TSPEAR: variants seen among roughly 807,000 people sequenced by gnomAD.
TSPEAR encodes the protein thrombospondin-type laminin G domain and EAR repeat-containing protein.
A neutral mutation model predicts 71.6 loss-of-function variants in TSPEAR; 69 were observed. The ratio of observed to expected loss-of-function variants is 0.96; its 90% CI spans 0.79 to 1.18. The LOEUF (loss-of-function observed/expected upper bound fraction) is 1.18. Ranked by LOEUF, TSPEAR falls within the 50% of genes most tolerant of loss-of-function variation. The probability of loss-of-function intolerance (pLI) is 0.00; values close to 1 mark genes in which losing one functional copy is unlikely to be tolerated. For missense variants in TSPEAR, 971 were observed against 894.9 expected, an observed-to-expected ratio of 1.09 and a Z score of -1.09; for synonymous variants, 402 against 387.2, an observed-to-expected ratio of 1.04 and a Z score of -0.45.
chr21:44,632,504 T>C (rs1303431482), intron 1 of TSPEAR, among the ~76,000 whole-genome samples: 1 of 152,168 alleles, frequency 6.6e-6, no homozygotes, highest in African/African-American at 2.4e-5. Flanking sequence ...CAGGATGAAA[T>C]CAAAGGGCAC....
intron 1 of TSPEAR, among the ~76,000 whole-genome samples, chr21:44,589,652 C>T (rs1315360294): frequency 6.6e-6 from 1 of 152,094 alleles, no homozygotes; most frequent in African/African-American, 2.4e-5. Flanking sequence ...AGAGGTGAGA[C>T]CCCCCCACCA....
Position 44,527,430 on chromosome 21 carries a change from C to T in TSPEAR, c.1011G>A (p.Gln337=), listed in dbSNP as rs1362405695. The part of the protein sequence containing the change: ...TLGIEVFRIP[Q]VGLFVATANR... Reference sequence around the variant, plus strand: ...TGGCTGTGGCCACAAAGAGCCCCACCTGAGGGATGCGGAACACCTCAATGC... The same window carrying T: ...TGGCTGTGGCCACAAAGAGCCCCACTTGAGGGATGCGGAACACCTCAATGC... Residue 337 remains glutamine (Q), a synonymous_variant, in exon 7 of 12, where the codon CAG becomes CAA. Coordinates refer to ENST00000323084, the MANE Select transcript of TSPEAR (RefSeq NM_144991.3). 1.2e-6 allele frequency: 2 copies of T among 1,614,122 alleles called. No homozygotes were observed. The highest frequency in any genetic ancestry group is 2.7e-5 in the African/African-American group (2 of 74,946).
intron 1 of TSPEAR, among the ~76,000 whole-genome samples, chr21:44,594,602 T>A (rs1480019967): frequency 2.0e-5 from 3 of 152,156 alleles, no homozygotes; most frequent in Admixed American, 6.5e-5. Context: ...GCATGTTTGT[T>A]CAGTTCCTCC....
In TSPEAR at chr21:44,502,904, G is replaced by GT. The variant is rs587636166; in HGVS notation, c.1856+1875dup. Reference sequence around the variant, plus strand: ...CCGGCCTCGGTGAGCCCTCGGGGAAGTAAGGCGCTGGGAGGAAGCTGGCCT... The same window carrying GT: ...CCGGCCTCGGTGAGCCCTCGGGGAAGTTAAGGCGCTGGGAGGAAGCTGGCCT... On this transcript the variant is annotated intron_variant, in intron 11 of 11. Coordinates refer to ENST00000323084, the MANE Select transcript of TSPEAR (RefSeq NM_144991.3). 4.6e-5 allele frequency among the ~76,000 whole-genome samples: 6 copies of GT among 130,178 alleles called. 1 individual carries two copies. The South Asian group carries it at 1.7e-3, about 37-fold the overall frequency. The allele number at this position is 130,178 out of a possible 152,430, so 85.4% of individuals were successfully genotyped here.
chr21:44,558,196 T>TG, intron 2 of TSPEAR: 1 of 1,548,702 alleles, frequency 6.5e-7, no homozygotes, highest in East Asian at 2.4e-5. Flanking sequence ...CAGGAGGGGA[T>TG]GGGCACACAG....
intron 1 of TSPEAR, among the ~76,000 whole-genome samples, chr21:44,577,503 G>A (rs782356383): frequency 2.6e-5 from 4 of 152,216 alleles, no homozygotes; most frequent in Non-Finnish European, 5.9e-5. Flanking sequence ...GAGAGACAGA[G>A]AGGAGGGAGT....
intron 8 of TSPEAR, among the ~76,000 whole-genome samples, chr21:44,524,506 G>T (rs1243815040): frequency 6.6e-6 from 1 of 151,950 alleles, no homozygotes; most frequent in African/African-American, 2.4e-5. Context: ...CAGGTAGTCA[G>T]TCAGGCAGTC....
chr21:44,584,061 A>G (rs1441646655), intron 1 of TSPEAR, among the ~76,000 whole-genome samples: 1 of 152,334 alleles, frequency 6.6e-6, no homozygotes, highest in Middle Eastern at 3.4e-3. Flanking sequence ...AATCGCTGAA[A>G]GGATATTTAA....
chr21:44,512,702 GCAGGGAGCAAAC>G (rs1350965440), intron 9 of TSPEAR, among the ~76,000 whole-genome samples: 1 of 152,178 alleles, frequency 6.6e-6, no homozygotes, highest in East Asian at 1.9e-4. Context: ...TCATGGGGTG[GCAGGGAGCAAAC>G]TTTGAGTTGC....
At chr21:44,645,807 C>T (rs1403268462) in intron 1 of TSPEAR, among the ~76,000 whole-genome samples, 1 of 151,894 alleles carries the variant, frequency 6.6e-6, no homozygotes, top group Non-Finnish European at 1.5e-5. Context: ...TTTGGAGAAA[C>T]GTTCATCTCT....
intron 2 of TSPEAR, among the ~76,000 whole-genome samples, chr21:44,537,121 T>G (rs587709847): frequency 7.5e-4 from 114 of 152,332 alleles, no homozygotes; most frequent in African/African-American, 2.6e-3. Flanking sequence ...AAAAGCTCAA[T>G]GCAATCCCAA....
In TSPEAR at chr21:44,503,080, G is replaced by GT. The variant is rs1243784075; in HGVS notation, c.1856+1699_1856+1700insA. ...GGAAGCTGGCCTCGGTGAGCCCTCA[G>GT]GGGGAAGCAAGACTCTGGGAGGAGG... is the stretch of plus-strand genomic sequence containing the variant. On this transcript the variant is annotated intron_variant, in intron 11 of 11. Coordinates refer to ENST00000323084, the MANE Select transcript of TSPEAR (RefSeq NM_144991.3). Among the ~76,000 whole-genome samples, 161 of 144,950 alleles carry GT rather than the reference G, an allele frequency of 1.1e-3. 1 individual carries two copies. The highest frequency in any genetic ancestry group is 1.4e-3 in the Admixed American group (20 of 14,710).
intron 1 of TSPEAR, among the ~76,000 whole-genome samples, chr21:44,628,852 G>C (rs115773390): frequency 0.014 from 2,058 of 152,246 alleles, 53 homozygotes; most frequent in African/African-American, 0.047. Context: ...CTCAGGGATG[G>C]CCCCTGCTCC....
rs1601461480 is a variant in TSPEAR, at chr21:44,593,965, C to T, written c.83-25960G>A. Among the ~76,000 whole-genome samples, 1 of 152,232 alleles carries T rather than the reference C, an allele frequency of 6.6e-6. No homozygotes were observed. Among genetic ancestry groups the T allele is most frequent in the Non-Finnish European group, 1.5e-5 (1 of 68,040 alleles). ...CCTCCTCCTGATAAGGGACCCCCAA[C>T]CATGGACTGGCTCCAGCCGGTTTAC... is the stretch of plus-strand genomic sequence containing the variant. On this transcript the variant is annotated intron_variant, in intron 1 of 11. Coordinates refer to ENST00000323084, the MANE Select transcript of TSPEAR (RefSeq NM_144991.3). The surrounding 1 kb of genome is among the most constrained non-coding windows in gnomAD (Gnocchi z 5.9).
chr21:44,544,844 C>T (rs1555917582), intron 2 of TSPEAR, among the ~76,000 whole-genome samples: 1 of 152,036 alleles, frequency 6.6e-6, no homozygotes, highest in African/African-American at 2.4e-5. Flanking sequence ...GCTGGGCCCA[C>T]AGGACGTTAT....
At chr21:44,512,489 C>G (rs1015363309) in intron 9 of TSPEAR, among the ~76,000 whole-genome samples, 2 of 152,100 alleles carry the variant, frequency 1.3e-5, no homozygotes, top group African/African-American at 2.4e-5. Flanking sequence ...TGGTATTTCC[C>G]TAGGCATGGG....
rs371564763 is a variant in TSPEAR at position 44,640,042 on chromosome 21, A to T, written c.82+71391T>A. 3.9e-5 allele frequency among the ~76,000 whole-genome samples: 6 copies of T among 152,272 alleles called. 1 individual carries two copies. Among genetic ancestry groups the T allele is most frequent in the African/African-American group, 4.8e-5 (2 of 41,526 alleles). The stretch of plus-strand genomic sequence containing the variant: ...CCTGTCAGTCCAGTTCTAGGCATCT[A>T]CCCCGGAGGAATGAAACAAACGTCC... On this transcript the variant is annotated intron_variant, in intron 1 of 11. Transcript: ENST00000323084.
intron 1 of TSPEAR, chr21:44,646,482 C>A: frequency 6.2e-7 from 1 of 1,612,986 alleles, no homozygotes; most frequent in Admixed American, 1.7e-5. Flanking sequence ...CCATGTCTGT[C>A]TGCTCCAGCG....
chr21:44,521,498 A>G (rs1722075964), intron 9 of TSPEAR, among the ~76,000 whole-genome samples: 1 of 152,184 alleles, frequency 6.6e-6, no homozygotes, highest in African/African-American at 2.4e-5. Flanking sequence ...CCCCAGGGCC[A>G]GGGCCCTGAC....
Sources: allele counts gnomAD v4.1 joint callset (sites outside exome capture counted in the v4.1 genomes callset), GRCh38; gene constraint gnomAD v4.1.1; non-coding constraint Gnocchi (gnomAD v3.1); transcripts MANE v1.5; gene names NCBI Gene and HGNC (gene_info 2026-07-23, HGNC 2026-07-21).